The following SLC25A28 variants were observed in gnomAD, a reference collection of about 807,000 sequenced individuals.
SLC25A28 encodes the protein mitoferrin-2.
Under a neutral mutation model 31.9 loss-of-function variants are expected in SLC25A28, and 10 were observed. The observed-to-expected ratio is 0.31, with a 90% CI of 0.19 to 0.53. SLC25A28 has a LOEUF of 0.53. SLC25A28 is among the 20% of genes least tolerant of loss of function. SLC25A28 has a pLI of 0.95. For missense variants in SLC25A28, 256 were observed against 490.3 expected, an observed-to-expected ratio of 0.52 and a Z score of 4.51; for synonymous variants, 208 against 203.6, an observed-to-expected ratio of 1.02 and a Z score of -0.19.
intron 3 of SLC25A28, among the ~76,000 whole-genome samples, chr10:99,612,085 G>T (rs186800517): frequency 1.4e-4 from 22 of 152,300 alleles, no homozygotes; most frequent in African/African-American, 4.8e-4. Context: ...GATCCCAGCA[G>T]AAATGCAGGG....
the SLC25A28 span, among the ~76,000 whole-genome samples, chr10:99,646,091 TCAGA>T: frequency 6.6e-6 from 1 of 152,210 alleles, no homozygotes; most frequent in South Asian, 2.1e-4. Flanking sequence ...TTCAAATCTG[TCAGA>T]CAGGGACGTT....
chr10:99,620,868 C>T (rs1006480162), upstream of SLC25A28: 34 of 985,376 alleles, frequency 3.5e-5, no homozygotes, highest in Non-Finnish European at 4.0e-5. Context: ...GAGCTGCGGT[C>T]CCTGTGCGCG....
upstream of SLC25A28, chr10:99,621,587 G>C (rs1469490218): frequency 6.6e-6 from 1 of 152,324 alleles, no homozygotes; most frequent in East Asian, 1.9e-4. Context: ...GGTCCTGAGA[G>C]GCAAGGCCAG....
At chr10:99,642,603 T>C in the SLC25A28 span, among the ~76,000 whole-genome samples, 5 of 152,148 alleles carry the variant, frequency 3.3e-5, no homozygotes, top group Non-Finnish European at 5.9e-5. Context: ...CAACACTGTG[T>C]TGAATAGGAG....
the SLC25A28 span, among the ~76,000 whole-genome samples, chr10:99,652,779 C>A: frequency 6.6e-6 from 1 of 152,176 alleles, no homozygotes; most frequent in South Asian, 2.1e-4. Flanking sequence ...GGGCCTTTTA[C>A]TTCTCTGAAT....
the SLC25A28 span, among the ~76,000 whole-genome samples, chr10:99,644,012 C>T: frequency 1.1e-4 from 17 of 152,012 alleles, no homozygotes; most frequent in African/African-American, 3.4e-4. Context: ...GGAATAAGTG[C>T]GATGTGGTGC....
chr10:99,635,453 G>A, the SLC25A28 span, among the ~76,000 whole-genome samples: 4 of 152,218 alleles, frequency 2.6e-5, no homozygotes, highest in South Asian at 4.2e-4. Flanking sequence ...AGGCCGAGGC[G>A]GGTGGATCAC....
the SLC25A28 span, among the ~76,000 whole-genome samples, chr10:99,651,594 C>CTTTTTTTTTTTTTTTTTTTTTTTTT: frequency 5.4e-5 from 6 of 110,172 alleles, no homozygotes; most frequent in Non-Finnish European, 1.1e-4. Flanking sequence ...TTTTTCTTTT[C>CTTTTTTTTTTTTTTTTTTTTTTTTT]TTTTTTTTTT....
rs2034569811 is a variant in SLC25A28 at position 99,613,141 on chromosome 10, G to C, written c.521-542C>G. Among the ~76,000 whole-genome samples, 1 of 152,176 alleles carries C rather than the reference G, an allele frequency of 6.6e-6. No individual in the cohort carries two copies. The highest frequency in any genetic ancestry group is 1.5e-5 in the Non-Finnish European group (1 of 68,034). ...CCAGCCGGTCCTAAAGCCCTAGGCT[G>C]CTATCCTTTCTCTTACTTCCACACA... On this transcript the variant is annotated intron_variant, in intron 2 of 3. Transcript: ENST00000370495. This position sits in a 1 kb window ranked among gnomAD's most constrained non-coding sequence, Gnocchi z 4.9.
Position 99,610,854 on chromosome 10 carries a change from T to TG in SLC25A28, c.1089dup (p.Lys364GlnfsTer4), listed in dbSNP as rs769354342. 2 of 1,612,970 alleles carry TG rather than the reference T, an allele frequency of 1.2e-6. No homozygotes were observed. The highest frequency in any genetic ancestry group is 1.7e-6 in the Non-Finnish European group (2 of 1,179,160). On this transcript the variant is annotated frameshift_variant, in exon 4 of 4. Transcript: ENST00000370495. LOFTEE classifies it high-confidence loss of function. ...TGGCTTCGTTCAGTGCTACTTCACT[T>TG]GCCAGCCCTCCACTCTTCTTGCCTT...
chr10:99,620,104 C>T lies in SLC25A28; in HGVS notation c.232G>A (p.Ala78Thr). 6.3e-7 allele frequency: 1 copy of T among 1,585,700 alleles called. No individual in the cohort carries two copies. The part of the protein sequence containing the change: ...AGATVTTHMV[A>T]GAVAGILEHC... ...TCCAGGATCCCTGCCACGGCGCCTG[C>T]CACCATGTGCGTGGTGACAGTGGCT... Residue 78 changes from alanine (A) to threonine (T), a missense_variant, in exon 1 of 4, where the codon GCA (alanine) becomes ACA (threonine). By Grantham distance (58) the Ala-to-Thr change is moderately conservative (BLOSUM62 0). This residue lies in a region of SLC25A28 where 41 missense variants were observed against 41.7 expected (regional missense o/e 0.98). Transcript: ENST00000370495.
At chr10:99,650,818 T>C in the SLC25A28 span, among the ~76,000 whole-genome samples, 1 of 152,076 alleles carries the variant, frequency 6.6e-6, no homozygotes, top group African/African-American at 2.4e-5. Context: ...CTCTCCCTTT[T>C]TGGAGCAGGG....
At chr10:99,638,310 T>C in the SLC25A28 span, among the ~76,000 whole-genome samples, 1 of 152,196 alleles carries the variant, frequency 6.6e-6, no homozygotes, top group Non-Finnish European at 1.5e-5. Flanking sequence ...ATTAAGAATT[T>C]AATCTAAGAC....
In SLC25A28 at chr10:99,620,159, G is replaced by C. The variant is rs1374228340; in HGVS notation, c.177C>G (p.Ser59=). 6.4e-7 allele frequency: 1 copy of C among 1,564,998 alleles called. No homozygotes were observed. Among genetic ancestry groups the C allele is most frequent in the African/African-American group, 1.4e-5 (1 of 72,148 alleles). The change falls in exon 1 of 4, where the codon TCC becomes TCG. Residue 59 remains serine (S), a synonymous_variant. Transcript: ENST00000370495. ...CRPPVRQDPD[S]GPDYEALPAG... ...CCGGCAGCGCCTCGTAGTCCGGGCCGGAGTCCGGATCTTGTCGTACCGGGG... is the reference window on the plus strand; with the variant it reads ...CCGGCAGCGCCTCGTAGTCCGGGCCCGAGTCCGGATCTTGTCGTACCGGGG...
At chr10:99,625,687 G>A in the SLC25A28 span, among the ~76,000 whole-genome samples, 1 of 152,202 alleles carries the variant, frequency 6.6e-6, no homozygotes, top group African/African-American at 2.4e-5. Flanking sequence ...ATCAACATTG[G>A]AGGTGTGACT....
chr10:99,638,369 C>T, the SLC25A28 span, among the ~76,000 whole-genome samples: 1 of 152,174 alleles, frequency 6.6e-6, no homozygotes, highest in Non-Finnish European at 1.5e-5. Flanking sequence ...CCCTTCTAGA[C>T]ATTGGCTTAG....
the SLC25A28 span, among the ~76,000 whole-genome samples, chr10:99,654,115 G>C: frequency 6.6e-6 from 1 of 152,148 alleles, no homozygotes; most frequent in Non-Finnish European, 1.5e-5. Flanking sequence ...AATCAATTCT[G>C]AGAACTTTAA....
upstream of SLC25A28, chr10:99,622,667 T>C: frequency 1.0e-6 from 1 of 985,458 alleles, no homozygotes; most frequent in Non-Finnish European, 1.2e-6. Flanking sequence ...GAAACCACTC[T>C]ACCTTTTAGA....
At chr10:99,642,126 G>A in the SLC25A28 span, among the ~76,000 whole-genome samples, 1 of 151,940 alleles carries the variant, frequency 6.6e-6, no homozygotes, top group East Asian at 1.9e-4. Context: ...AGCTTGATGG[G>A]GATGGCATTG....
Sources: allele counts gnomAD v4.1 joint callset (sites outside exome capture counted in the v4.1 genomes callset), GRCh38; gene constraint gnomAD v4.1.1; regional missense constraint gnomAD v4.1.1; non-coding constraint Gnocchi (gnomAD v3.1); transcripts MANE v1.5; gene names NCBI Gene and HGNC (gene_info 2026-07-23, HGNC 2026-07-21).